The following CDC37L1 variants were observed in gnomAD, a reference collection of about 807,000 sequenced individuals.
The protein encoded by CDC37L1 is hsp90 co-chaperone Cdc37-like 1.
CDC37L1 carries 32 observed loss-of-function variants against 45.9 expected under a neutral mutation model. The ratio of observed to expected loss-of-function variants is 0.70; its 90% CI spans 0.53 to 0.94. CDC37L1 has a LOEUF of 0.94. Among genes scored for constraint, CDC37L1 ranks in the 40% least tolerant of loss-of-function variants. The probability of loss-of-function intolerance (pLI) is 0.00; values close to 1 mark genes in which losing one functional copy is unlikely to be tolerated. For synonymous variants in CDC37L1, 150 were observed against 133.0 expected, an observed-to-expected ratio of 1.13 and a Z score of -0.88; for missense variants, 434 against 405.7, an observed-to-expected ratio of 1.07 and a Z score of -0.60.
At chr9:4,704,825 A>C (rs1841428291) in intron 6 of CDC37L1, among the ~76,000 whole-genome samples, 1 of 152,094 alleles carries the variant, frequency 6.6e-6, no homozygotes, top group Non-Finnish European at 1.5e-5. Context: ...GGCCTCTTGG[A>C]TATAGAAATA....
At position 4,688,585 on chromosome 9, in the gene CDC37L1, G is replaced by T; in HGVS notation, c.487G>T (p.Glu163Ter). ...DKSESFMQKY[E>*]QKIRHFGMLS... is the part of the protein sequence containing the mutation. ...ATCAGAATCATTTATGCAAAAATATGAGCAAAAAATCAGACATTTTGGTAA... is the reference window on the plus strand; with the variant it reads ...ATCAGAATCATTTATGCAAAAATATTAGCAAAAAATCAGACATTTTGGTAA... The change falls in exon 3 of 7, where the codon GAG becomes TAG. Residue 163 changes from glutamate (E) to a stop codon, truncating the protein, a stop_gained. Coordinates refer to ENST00000381854, the MANE Select transcript of CDC37L1 (RefSeq NM_017913.4). LOFTEE classifies it high-confidence loss of function. The T allele has an allele frequency of 6.6e-7, 1 of 1,520,986 alleles. No homozygotes were observed. 94.2% of individuals were successfully genotyped at this position (1,520,986 alleles called of 1,614,324 possible).
intron 5 of CDC37L1, among the ~76,000 whole-genome samples, chr9:4,701,041 A>G (rs1438280032): frequency 6.6e-6 from 1 of 152,218 alleles, no homozygotes; most frequent in African/African-American, 2.4e-5. Context: ...GCAGCACAGA[A>G]CACTCTCTGC....
intron 2 of CDC37L1, 151 bp from the exon 3 acceptor site, chr9:4,688,362 A>G (rs185440725): frequency 1.9e-4 from 75 of 395,042 alleles, no homozygotes; most frequent in Admixed American, 4.0e-4. Context: ...TTTTAAAAAT[A>G]GTTTACCAGA....
intron 6 of CDC37L1, 121 bp from the exon 7 acceptor site, chr9:4,705,890 C>T (rs1587625865): frequency 4.7e-6 from 2 of 425,398 alleles, no homozygotes; most frequent in Non-Finnish European, 8.6e-6. Flanking sequence ...TTCTTTCCTA[C>T]TGCTCTACTA....
At chr9:4,694,890 T>G (rs754219841) in intron 3 of CDC37L1, among the ~76,000 whole-genome samples, 1 of 151,458 alleles carries the variant, frequency 6.6e-6, no homozygotes, top group African/African-American at 2.4e-5. Context: ...AAAAAAAAAT[T>G]AACATTTAAT....
Position 4,679,865 on chromosome 9 carries a change from C to T in CDC37L1, c.98C>T (p.Pro33Leu), listed in dbSNP as rs769490808. 5.0e-5 allele frequency: 81 copies of T among 1,613,820 alleles called. No individual in the cohort carries two copies. Among genetic ancestry groups the T allele is most frequent in the Non-Finnish European group, 6.8e-5 (80 of 1,179,976 alleles). Residue 33 changes from proline to leucine, a missense_variant, in exon 1 of 7, where the codon CCC becomes CTC. By Grantham distance (98) the Pro-to-Leu change is moderately conservative (BLOSUM62 -3). Transcript: ENST00000381854. Reference protein sequence around the residue: ...ESDFDVFPSSPRCPQLPGGGA... With the variant: ...ESDFDVFPSSLRCPQLPGGGA... Reference sequence around the variant, plus strand: ...GACTTCGACGTGTTCCCCAGTTCTCCCCGCTGCCCGCAGCTGCCAGGCGGC... The same window carrying T: ...GACTTCGACGTGTTCCCCAGTTCTCTCCGCTGCCCGCAGCTGCCAGGCGGC...
In CDC37L1 at chr9:4,679,854, C is replaced by A. The variant is rs1322034555; in HGVS notation, c.87C>A (p.Phe29Leu). 1.9e-6 allele frequency: 3 copies of A among 1,613,972 alleles called. No individual in the cohort carries two copies. The change falls in exon 1 of 7, where the codon TTC becomes TTA. Residue 29 changes from phenylalanine (F) to leucine (L), a missense_variant. By Grantham distance (22) the Phe-to-Leu change is conservative. Coordinates refer to ENST00000381854, the MANE Select transcript of CDC37L1 (RefSeq NM_017913.4). ...EAEEESDFDV[F>L]PSSPRCPQLP... is the part of the protein sequence containing the mutation. The stretch of plus-strand genomic sequence containing the variant: ...AGGAAGAGAGTGACTTCGACGTGTT[C>A]CCCAGTTCTCCCCGCTGCCCGCAGC...
intron 3 of CDC37L1, among the ~76,000 whole-genome samples, chr9:4,693,912 T>C (rs994961632): frequency 6.6e-6 from 1 of 152,186 alleles, no homozygotes; most frequent in Admixed American, 6.5e-5. Context: ...GGAACTGCAG[T>C]AGTAAAATGG....
At position 4,679,875 on chromosome 9, in the gene CDC37L1, G is replaced by C. The variant is rs748887162; in HGVS notation, c.108G>C (p.Pro36=). ...TGTTCCCCAGTTCTCCCCGCTGCCC[G>C]CAGCTGCCAGGCGGCGGCGCCCAGG... ...FDVFPSSPRC[P]QLPGGGAQMY... is the part of the protein sequence containing the mutation. The change falls in exon 1 of 7, where the codon CCG becomes CCC. Residue 36 remains proline (P), a synonymous_variant. Coordinates refer to ENST00000381854, the MANE Select transcript of CDC37L1 (RefSeq NM_017913.4). 1.2e-6 allele frequency: 2 copies of C among 1,613,692 alleles called. No homozygotes were observed. The highest frequency in any genetic ancestry group is 2.7e-5 in the African/African-American group (2 of 74,932).
intron 2 of CDC37L1, chr9:4,685,418 T>C (rs1418891121): frequency 3.3e-6 from 1 of 304,838 alleles, no homozygotes; most frequent in African/African-American, 2.1e-5. Context: ...ATTACATATA[T>C]TAAAAAACAT....
At chr9:4,679,929 A>G in intron 1 of CDC37L1, 30 bp downstream of exon 1, 1 of 1,612,286 alleles carries the variant, frequency 6.2e-7, no homozygotes, top group Non-Finnish European at 8.5e-7. Flanking sequence ...CTGCGGAGGG[A>G]TGGAGTGGTG....
intron 5 of CDC37L1, among the ~76,000 whole-genome samples, chr9:4,700,302 C>G (rs1841385279): frequency 6.6e-6 from 1 of 152,014 alleles, no homozygotes. Context: ...ACTATAGGCA[C>G]ATGCCACCAT....
intron 5 of CDC37L1, 50 bp downstream of exon 5, chr9:4,697,929 G>C (rs368151824): frequency 6.3e-7 from 1 of 1,580,646 alleles, no homozygotes; most frequent in South Asian, 1.1e-5. Context: ...TCCCAGCTGA[G>C]ACCTCTTTGT....
rs560807071 is a variant in CDC37L1 at position 4,707,191 on chromosome 9, T to A, written c.*1079T>A. ...TTCCCCTTTTTCAGCTCAGTTACCATAGAATACTTCCAAGCTTTACTACTT... is the reference window on the plus strand; with the variant it reads ...TTCCCCTTTTTCAGCTCAGTTACCAAAGAATACTTCCAAGCTTTACTACTT... On this transcript the variant is annotated 3_prime_UTR_variant, in exon 7 of 7. Coordinates refer to ENST00000381854, the MANE Select transcript of CDC37L1 (RefSeq NM_017913.4). 29 of 152,334 alleles carry A rather than the reference T, an allele frequency of 1.9e-4. No homozygotes were observed. The highest frequency in any genetic ancestry group is 6.5e-4 in the African/African-American group (27 of 41,578). 9.4% of individuals were successfully genotyped at this position (152,334 alleles called of 1,614,324 possible).
chr9:4,682,329 A>ATTTTTTTTTTTTTTTTTTT (rs1313029477), intron 1 of CDC37L1, among the ~76,000 whole-genome samples: 6 of 92,840 alleles, frequency 6.5e-5, no homozygotes, highest in African/African-American at 1.2e-4. Flanking sequence ...TGCCCAGCTA[A>ATTTTTTTTTTTTTTTTTTT]TTTTTTTTTT....
At chr9:4,689,391 A>G (rs1216466959) in intron 3 of CDC37L1, among the ~76,000 whole-genome samples, 3 of 151,796 alleles carry the variant, frequency 2.0e-5, no homozygotes. Context: ...TAATATGTTC[A>G]TGAACTTTTT....
chr9:4,694,686 C>A (rs552031263), intron 3 of CDC37L1, among the ~76,000 whole-genome samples: 2 of 152,146 alleles, frequency 1.3e-5, no homozygotes, highest in Non-Finnish European at 2.9e-5. Flanking sequence ...GCCTGATCAA[C>A]ATGGTGAAAC....
intron 3 of CDC37L1, among the ~76,000 whole-genome samples, chr9:4,689,179 T>C (rs1174499993): frequency 6.6e-6 from 1 of 152,160 alleles, no homozygotes; most frequent in Admixed American, 6.5e-5. Context: ...ATAGGAGTTT[T>C]TCATGTATAA....
chr9:4,682,678 G>A (rs1841206479), intron 1 of CDC37L1, among the ~76,000 whole-genome samples: 1 of 151,352 alleles, frequency 6.6e-6, no homozygotes, highest in Non-Finnish European at 1.5e-5. Context: ...TCGCCATGTT[G>A]GCCAAGCTGG....
Sources: gnomAD v4.1 joint callset for allele counts (sites outside exome capture counted in the v4.1 genomes callset) on GRCh38, gnomAD v4.1.1 for gene constraint, MANE v1.5 for transcripts, NCBI Gene and HGNC (gene_info 2026-07-23, HGNC 2026-07-21) for gene names.